EML5: variants seen among roughly 807,000 people sequenced by gnomAD.
The protein encoded by EML5 is EMAP like 5, also known as echinoderm microtubule-associated protein-like 5.
A neutral mutation model predicts 250.0 loss-of-function variants in EML5; 120 were observed. The ratio of observed to expected loss-of-function variants is 0.48; its 90% CI spans 0.41 to 0.56. The LOEUF (loss-of-function observed/expected upper bound fraction) is 0.56, where lower values mean the gene tolerates loss of function less well. Among genes scored for constraint, EML5 ranks in the 20% least tolerant of loss-of-function variants. The pLI, the probability that EML5 is intolerant of heterozygous loss-of-function variation, is 0.00. For missense variants in EML5, 2,006 were observed against 2,437.6 expected (o/e 0.82, Z 3.73); for synonymous variants, 771 against 806.5 (o/e 0.96, Z 0.75).
chr14:88,719,196 G>C (rs1488018452), intron 8 of EML5, among the ~76,000 whole-genome samples: 1 of 152,002 alleles, frequency 6.6e-6, no homozygotes, highest in African/African-American at 2.4e-5. Flanking sequence ...GATCAACTGG[G>C]CAAAATGACA....
At chr14:88,621,412 G>A (rs1197008450) in intron 37 of EML5, 111 bp from the exon 38 acceptor site, 6 of 1,289,120 alleles carry the variant, frequency 4.7e-6, no homozygotes, top group Non-Finnish European at 5.5e-6. Flanking sequence ...TTTGCTTTGA[G>A]CTAATCTAGT....
chr14:88,717,390 G>T (rs988473643), intron 8 of EML5, among the ~76,000 whole-genome samples: 1 of 152,144 alleles, frequency 6.6e-6, no homozygotes, highest in African/African-American at 2.4e-5. Flanking sequence ...GTCTTATTAA[G>T]ATTTTTGGCC....
chr14:88,789,006 T>C (rs745913839), intron 1 of EML5, among the ~76,000 whole-genome samples: 12 of 150,938 alleles, frequency 8.0e-5, no homozygotes, highest in East Asian at 1.9e-4. Context: ...AAAGATACAG[T>C]GAGCAGTGAT....
intron 7 of EML5, among the ~76,000 whole-genome samples, chr14:88,733,636 C>T (rs2140167909): frequency 6.6e-6 from 1 of 152,244 alleles, no homozygotes; most frequent in Admixed American, 6.5e-5. Flanking sequence ...GTAGCCCCCA[C>T]AGTAAGTTTA....
chr14:88,650,506 A>G (rs2091570177), intron 27 of EML5, among the ~76,000 whole-genome samples: 1 of 152,244 alleles, frequency 6.6e-6, no homozygotes, highest in Non-Finnish European at 1.5e-5. Context: ...ATTAAAAAAG[A>G]AAAAGGTAAA....
intron 35 of EML5, chr14:88,626,628 A>C (rs1419050771): frequency 1.7e-6 from 1 of 595,054 alleles, no homozygotes; most frequent in East Asian, 3.0e-5. Context: ...AAAAAAAAAA[A>C]AAATCCTTTT....
intron 20 of EML5, among the ~76,000 whole-genome samples, chr14:88,684,590 A>G (rs1203312830): frequency 6.6e-6 from 1 of 151,906 alleles, no homozygotes; most frequent in East Asian, 2.0e-4. Context: ...GAGAAAAATA[A>G]TTGCCTTAGG....
At position 88,792,720 on chromosome 14, in the gene EML5, G is replaced by T. The variant is rs2094623154; in HGVS notation, c.-217C>A. ...CGCCTCGCGGAACATGCTGAGGGCC[G>T]CGAGCGCCGCCGGCTGTCAAGTGGA... On this transcript the variant is annotated 5_prime_UTR_variant, in exon 1 of 44. Coordinates refer to ENST00000554922, the MANE Select transcript of EML5 (RefSeq NM_183387.3). The surrounding 1 kb of genome is among the most constrained non-coding windows in gnomAD (Gnocchi z 6.9). 3 of 1,095,870 alleles carry T rather than the reference G, an allele frequency of 2.7e-6. No individual in the cohort carries two copies. Among genetic ancestry groups the T allele is most frequent in the Non-Finnish European group, 2.2e-6 (2 of 902,256 alleles). 67.9% of individuals were successfully genotyped at this position (1,095,870 alleles called of 1,614,324 possible). A position where few individuals can be genotyped will look rare whatever the true frequency, so the allele number is the denominator to read the frequency against.
At chr14:88,665,208 T>C (rs1595437236) in intron 22 of EML5, 129 bp downstream of exon 22, 1 of 990,446 alleles carries the variant, frequency 1.0e-6, no homozygotes, top group Non-Finnish European at 1.4e-6. Flanking sequence ...TACCTCTTGC[T>C]ACACTGCCTC....
At chr14:88,692,168 G>C (rs1338888220) in intron 17 of EML5, among the ~76,000 whole-genome samples, 3 of 152,114 alleles carry the variant, frequency 2.0e-5, no homozygotes, top group Admixed American at 6.6e-5. Context: ...TGGAGTCAGG[G>C]AGTTCGAGAC....
At chr14:88,695,213 GATTA>G in intron 16 of EML5, 144 bp downstream of exon 16, 1 of 350,172 alleles carries the variant, frequency 2.9e-6, no homozygotes, top group Non-Finnish European at 5.0e-6. Flanking sequence ...CATTTACTAT[GATTA>G]TATTATTTAT....
At position 88,618,716 on chromosome 14, in the gene EML5, G is replaced by C; in HGVS notation, c.5472C>G (p.Ser1824Arg). Residue 1824 changes from serine (S) to arginine (R), a missense_variant, in exon 40 of 44, where the codon AGC becomes AGG. By Grantham distance (110) the Ser-to-Arg change is moderately radical. Around this residue, in one of 7 missense-constraint regions of EML5, gnomAD observed 405 missense variants for 523.3 expected, o/e 0.77. Transcript: ENST00000554922. ...CAAAGCTTGGAATGTCTTTGCAGTA[G>C]CTGATTCTGTTAAGAGTGGGGCCCA... ...LTLGPTLNRI[S>R]YCKDIPSFVI... 2 of 1,611,082 alleles carry C rather than the reference G, an allele frequency of 1.2e-6. No homozygotes were observed. Among genetic ancestry groups the C allele is most frequent in the South Asian group, 1.1e-5 (1 of 90,302 alleles).
intron 13 of EML5, 69 bp from the exon 14 acceptor site, chr14:88,702,701 G>T (rs1268559675): frequency 9.2e-7 from 1 of 1,090,844 alleles, no homozygotes; most frequent in Admixed American, 3.4e-5. Context: ...AATATACAGG[G>T]GAGAAGTAGG....
intron 1 of EML5, among the ~76,000 whole-genome samples, chr14:88,773,033 C>T (rs1026631358): frequency 3.2e-4 from 49 of 152,242 alleles, no homozygotes; most frequent in African/African-American, 1.2e-3. Flanking sequence ...TCATGTTTCC[C>T]TTCATGCTTA....
At chr14:88,744,717 A>G (rs1232414049) in intron 3 of EML5, among the ~76,000 whole-genome samples, 1 of 152,100 alleles carries the variant, frequency 6.6e-6, no homozygotes, top group African/African-American at 2.4e-5. Context: ...ATGTAATTAA[A>G]CAAATGATGA....
intron 21 of EML5, among the ~76,000 whole-genome samples, chr14:88,669,302 G>A (rs1015948091): frequency 2.0e-5 from 3 of 152,216 alleles, no homozygotes; most frequent in Non-Finnish European, 4.4e-5. Flanking sequence ...GGAAGGGACG[G>A]CTGTCATCAC....
Position 88,615,766 on chromosome 14 carries a change from T to G in EML5, c.*52A>C. 6.3e-7 allele frequency: 1 copy of G among 1,580,736 alleles called. No homozygotes were observed. On this transcript the variant is annotated 3_prime_UTR_variant, in exon 44 of 44. Transcript: ENST00000554922. ...ATGCAGGGTTGGGTTTTGGTTTTTCTTCTCTGTAATTCTGGTCTCAAAGTT... is the reference window on the plus strand; with the variant it reads ...ATGCAGGGTTGGGTTTTGGTTTTTCGTCTCTGTAATTCTGGTCTCAAAGTT...
intron 1 of EML5, among the ~76,000 whole-genome samples, chr14:88,778,581 C>T (rs1343462683): frequency 6.6e-6 from 1 of 152,170 alleles, no homozygotes; most frequent in East Asian, 1.9e-4. Flanking sequence ...GAGATCCAGG[C>T]CATCCTGGCA....
rs574134168 is a variant in EML5, at chr14:88,615,832, G to A, written c.5920C>T (p.His1974Tyr). The A allele has an allele frequency of 4.9e-5, 79 of 1,611,938 alleles. No individual in the cohort carries two copies. The South Asian group carries it at 7.2e-4, about 15-fold the overall frequency. ...DCSLFVWKCV[H>Y]TPH Reference sequence around the variant, plus strand: ...CTCAGCATCTCTCAGTGAGGTGTATGTACACATTTCCAGACAAATAAGCTG... The same window carrying A: ...CTCAGCATCTCTCAGTGAGGTGTATATACACATTTCCAGACAAATAAGCTG... Residue 1974 changes from histidine (H) to tyrosine (Y), a missense_variant, in exon 44 of 44, where the codon CAT (histidine) becomes TAT (tyrosine). Physicochemically the swap from His to Tyr is moderately conservative, Grantham distance 83. Coordinates refer to ENST00000554922, the MANE Select transcript of EML5 (RefSeq NM_183387.3).
Sources: allele counts gnomAD v4.1 joint callset (sites outside exome capture counted in the v4.1 genomes callset), GRCh38; gene constraint gnomAD v4.1.1; regional missense constraint gnomAD v4.1.1; non-coding constraint Gnocchi (gnomAD v3.1); transcripts MANE v1.5; gene names NCBI Gene and HGNC (gene_info 2026-07-23, HGNC 2026-07-21).